Variants in CDC42SE2 observed in about 807,000 individuals in gnomAD.
The protein encoded by CDC42SE2 is CDC42 small effector 2.
A neutral mutation model predicts 11.5 loss-of-function variants in CDC42SE2; 3 were observed. That is an observed-to-expected ratio of 0.26 (90% CI 0.12 to 0.67). The LOEUF (loss-of-function observed/expected upper bound fraction) is 0.67. CDC42SE2 is among the 30% of genes least tolerant of loss of function. The pLI, the probability that CDC42SE2 is intolerant of heterozygous loss-of-function variation, is 0.80. For missense variants in CDC42SE2, 82 were observed against 106.8 expected (o/e 0.77, Z 1.02); for synonymous variants, 33 against 34.8 (o/e 0.95, Z 0.18).
chr5:131,271,413 G>A (rs1756993305), intron 1 of CDC42SE2, among the ~76,000 whole-genome samples: 1 of 151,942 alleles, frequency 6.6e-6, no homozygotes, highest in Admixed American at 6.6e-5. Flanking sequence ...GAACAAAAAG[G>A]GTAAAAAGCT....
At chr5:131,344,195 GGCGGGGCATC>G (rs1384571189) in intron 2 of CDC42SE2, among the ~76,000 whole-genome samples, 2 of 152,178 alleles carry the variant, frequency 1.3e-5, no homozygotes, top group African/African-American at 2.4e-5. Flanking sequence ...CACGGAGCAG[GGCGGGGCATC>G]GCCTCACCTG....
the CDC42SE2 span, among the ~76,000 whole-genome samples, chr5:131,239,494 C>T: frequency 6.6e-6 from 1 of 152,110 alleles, no homozygotes; most frequent in African/African-American, 2.4e-5. Flanking sequence ...TGCTTATCCT[C>T]CTGTTTATTG....
At chr5:131,346,428 G>C (rs1242635100) in intron 2 of CDC42SE2, among the ~76,000 whole-genome samples, 1 of 152,114 alleles carries the variant, frequency 6.6e-6, no homozygotes, top group Non-Finnish European at 1.5e-5. Flanking sequence ...AATGGTAAAG[G>C]GATCAATTCA....
chr5:131,368,000 TC>T (rs1191461905), intron 3 of CDC42SE2, among the ~76,000 whole-genome samples: 1 of 152,046 alleles, frequency 6.6e-6, no homozygotes, highest in Non-Finnish European at 1.5e-5. Context: ...ACACCTGTAA[TC>T]CCAGCACTTT....
At chr5:131,390,598 C>G (rs1335441123) in intron 4 of CDC42SE2, among the ~76,000 whole-genome samples, 3 of 151,942 alleles carry the variant, frequency 2.0e-5, no homozygotes, top group Non-Finnish European at 2.9e-5. Flanking sequence ...TCATTTGAAC[C>G]TGGGAGGTGG....
In CDC42SE2 at chr5:131,393,118, A is replaced by G. The variant is rs142243976; in HGVS notation, c.*2027A>G. The G allele has an allele frequency of 1.3e-5, 2 of 152,500 alleles. No homozygotes were observed. The highest frequency in any genetic ancestry group is 3.8e-4 in the East Asian group (2 of 5,330). The allele number at this position is 152,500 out of a possible 1,614,324, so 9.4% of individuals were successfully genotyped here. On this transcript the variant is annotated 3_prime_UTR_variant, in exon 5 of 5. Transcript: ENST00000505065. Reference sequence around the variant, plus strand: ...AATGTTTGTTTAAATCCTATGTCCAATTCAAGCCTATCTAACTACATTTGG... The same window carrying G: ...AATGTTTGTTTAAATCCTATGTCCAGTTCAAGCCTATCTAACTACATTTGG...
At chr5:131,311,229 TG>T (rs1369748777) in intron 1 of CDC42SE2, among the ~76,000 whole-genome samples, 1 of 151,520 alleles carries the variant, frequency 6.6e-6, no homozygotes, top group Non-Finnish European at 1.5e-5. Flanking sequence ...TATGCAATTC[TG>T]GGTTGAAAAT....
chr5:131,394,134 A>G lies in CDC42SE2; in HGVS notation c.*3043A>G, dbSNP rs981962253. 3.9e-5 allele frequency: 6 copies of G among 152,342 alleles called. No individual in the cohort carries two copies. The highest frequency in any genetic ancestry group is 1.4e-4 in the African/African-American group (6 of 41,438). 9.4% of individuals were successfully genotyped at this position (152,342 alleles called of 1,614,324 possible). On this transcript the variant is annotated 3_prime_UTR_variant, in exon 5 of 5. Coordinates refer to ENST00000505065, the MANE Select transcript of CDC42SE2 (RefSeq NM_001375635.1). The stretch of plus-strand genomic sequence containing the variant: ...CAAGAGGTCATTTGTTCCCCATAGC[A>G]GCATATCTCATTTTTAAATTGAAGC...
At chr5:131,388,390 T>G (rs909173273) in intron 4 of CDC42SE2, among the ~76,000 whole-genome samples, 43 of 152,238 alleles carry the variant, frequency 2.8e-4, no homozygotes, top group African/African-American at 1.0e-3. Context: ...CAATAATAAA[T>G]AAGAAGAAAC....
chr5:131,248,129 TTTTTTTTA>T (rs1224873608), intron 1 of CDC42SE2, among the ~76,000 whole-genome samples: 1 of 151,358 alleles, frequency 6.6e-6, no homozygotes, highest in Non-Finnish European at 1.5e-5. Context: ...AAAGCATTCC[TTTTTTTTA>T]TTTTTTTATT....
At chr5:131,264,986 T>A (rs1289179187) in intron 1 of CDC42SE2, among the ~76,000 whole-genome samples, 1 of 152,232 alleles carries the variant, frequency 6.6e-6, no homozygotes, top group African/African-American at 2.4e-5. Context: ...GCCTGGCTTA[T>A]AGTACGTGCT....
intron 1 of CDC42SE2, among the ~76,000 whole-genome samples, chr5:131,306,344 T>C (rs1757777415): frequency 6.6e-6 from 1 of 152,216 alleles, no homozygotes; most frequent in South Asian, 2.1e-4. Flanking sequence ...ACTGCTGTAT[T>C]GAAGAGACTG....
At chr5:131,304,834 T>C (rs1241679464) in intron 1 of CDC42SE2, among the ~76,000 whole-genome samples, 1 of 152,196 alleles carries the variant, frequency 6.6e-6, no homozygotes, top group African/African-American at 2.4e-5. Flanking sequence ...TAAAAGGATC[T>C]TGCTTTTCAT....
At chr5:131,223,696 G>A in the CDC42SE2 span, among the ~76,000 whole-genome samples, 1 of 152,000 alleles carries the variant, frequency 6.6e-6, no homozygotes, top group Non-Finnish European at 1.5e-5. Context: ...GCCATTATTT[G>A]TAGCATCTTT....
chr5:131,335,869 CAT>C (rs1436450817), intron 2 of CDC42SE2, among the ~76,000 whole-genome samples: 3 of 152,210 alleles, frequency 2.0e-5, no homozygotes, highest in Non-Finnish European at 4.4e-5. Flanking sequence ...TTTCTCTGCA[CAT>C]GAGATGGGTC....
intron 1 of CDC42SE2, among the ~76,000 whole-genome samples, chr5:131,266,546 G>A (rs1216711776): frequency 2.1e-5 from 3 of 143,204 alleles, no homozygotes; most frequent in African/African-American, 2.6e-5. Context: ...TGCAACCTCC[G>A]CCTTTGGGGC....
chr5:131,301,432 C>A (rs1465386722), intron 1 of CDC42SE2, among the ~76,000 whole-genome samples: 4 of 152,070 alleles, frequency 2.6e-5, no homozygotes, highest in African/African-American at 9.7e-5. Context: ...TCACTATGTA[C>A]CCCATAAATA....
At chr5:131,229,999 A>G in the CDC42SE2 span, among the ~76,000 whole-genome samples, 1 of 152,230 alleles carries the variant, frequency 6.6e-6, no homozygotes, top group African/African-American at 2.4e-5. Context: ...ATTTAACACT[A>G]TCATTTTACC....
intron 2 of CDC42SE2, among the ~76,000 whole-genome samples, chr5:131,336,987 C>T (rs559502031): frequency 6.6e-6 from 1 of 152,218 alleles, no homozygotes; most frequent in South Asian, 2.1e-4. Context: ...CATTCTCTGT[C>T]CAGCTTTGTT....
Sources: gnomAD v4.1 joint callset for allele counts (sites outside exome capture counted in the v4.1 genomes callset) on GRCh38, gnomAD v4.1.1 for gene constraint, MANE v1.5 for transcripts, NCBI Gene and HGNC (gene_info 2026-07-23, HGNC 2026-07-21) for gene names.